UGT8: variants seen among roughly 807,000 people sequenced by gnomAD.
The protein encoded by UGT8 is UDP glycosyltransferase 8.
Under a neutral mutation model 40.5 loss-of-function variants are expected in UGT8, and 12 were observed. The observed-to-expected ratio is 0.30, with a 90% confidence interval of 0.19 to 0.48. The LOEUF (loss-of-function observed/expected upper bound fraction) is 0.48, where lower values mean the gene tolerates loss of function less well. Ranked by LOEUF, UGT8 falls within the 20% of genes least tolerant of loss-of-function variation. The pLI is 0.99. For missense variants in UGT8, 513 were observed against 648.7 expected, an observed-to-expected ratio of 0.79 and a Z score of 2.27; for synonymous variants, 224 against 240.4, an observed-to-expected ratio of 0.93 and a Z score of 0.63.
In UGT8 at chr4:114,676,358, C is replaced by A; in HGVS notation, c.*70C>A. On this transcript the variant is annotated 3_prime_UTR_variant, in exon 6 of 6. Coordinates refer to ENST00000310836, the MANE Select transcript of UGT8 (RefSeq NM_001128174.3). ...TTTTTATTGCTATTATTTAGTCTAA[C>A]AGCTACTAAAAGTAAAACATCAGTA... is the stretch of plus-strand genomic sequence containing the variant. 7.6e-7 allele frequency: 1 copy of A among 1,317,470 alleles called. No individual in the cohort carries two copies. Among genetic ancestry groups the A allele is most frequent in the Non-Finnish European group, 1.0e-6 (1 of 962,748 alleles). 81.6% of individuals were successfully genotyped at this position (1,317,470 alleles called of 1,614,324 possible).
At chr4:114,675,463 G>A (rs1272972161) in intron 5 of UGT8, among the ~76,000 whole-genome samples, 1 of 151,948 alleles carries the variant, frequency 6.6e-6, no homozygotes, top group African/African-American at 2.4e-5. Flanking sequence ...TGTTTAGGCC[G>A]GGCGCGGTGG....
intron 2 of UGT8, among the ~76,000 whole-genome samples, chr4:114,653,105 T>C (rs149017313): frequency 1.3e-5 from 2 of 152,104 alleles, no homozygotes; most frequent in Non-Finnish European, 2.9e-5. Context: ...GTTGTAGAAA[T>C]AGATTATGAA....
rs758671804 is a variant in UGT8, at chr4:114,623,009, A to C, written c.129A>C (p.Ser43=). The change falls in exon 2 of 6, where the codon TCA becomes TCC. Residue 43 remains serine (S), a synonymous_variant. Coordinates refer to ENST00000310836, the MANE Select transcript of UGT8 (RefSeq NM_001128174.3). The stretch of plus-strand genomic sequence containing the variant: ...TGTACATTTTCAAGACGCTAGCCTC[A>C]GCCTTGCACGAGAGAGGCCACCATA... ...SHMYIFKTLA[S]ALHERGHHTV... The C allele has an allele frequency of 1.1e-5, 17 of 1,613,998 alleles. No homozygotes were observed. In the Middle Eastern group the frequency reaches 9.9e-4, roughly 94 times the overall value.
At chr4:114,633,576 T>C (rs1732708109) in intron 2 of UGT8, among the ~76,000 whole-genome samples, 1 of 152,200 alleles carries the variant, frequency 6.6e-6, no homozygotes. Context: ...TGCAAAGCCT[T>C]GTTCACTGTC....
intron 2 of UGT8, among the ~76,000 whole-genome samples, chr4:114,645,126 C>T (rs921878389): frequency 1.3e-5 from 2 of 152,088 alleles, no homozygotes; most frequent in African/African-American, 4.8e-5. Flanking sequence ...TGTTGAAGAA[C>T]ATTCAATGAG....
At chr4:114,670,606 A>T (rs889929286) in intron 5 of UGT8, among the ~76,000 whole-genome samples, 1 of 152,178 alleles carries the variant, frequency 6.6e-6, no homozygotes, top group African/African-American at 2.4e-5. Context: ...CTTTGATAAA[A>T]TTCAGTATCC....
chr4:114,655,902 CAG>C (rs1734158511), intron 2 of UGT8, among the ~76,000 whole-genome samples: 1 of 152,056 alleles, frequency 6.6e-6, no homozygotes, highest in African/African-American at 2.4e-5. Context: ...AACACTTACT[CAG>C]TGTTTCTTAG....
chr4:114,658,184 A>T (rs1055992401), intron 2 of UGT8, among the ~76,000 whole-genome samples: 1 of 152,168 alleles, frequency 6.6e-6, no homozygotes, highest in Admixed American at 6.5e-5. Context: ...TTTGCAACCC[A>T]CCTGACCAAA....
At chr4:114,608,020 A>G (rs1275939822) in intron 1 of UGT8, among the ~76,000 whole-genome samples, 2 of 152,168 alleles carry the variant, frequency 1.3e-5, no homozygotes, top group Non-Finnish European at 1.5e-5. Flanking sequence ...AATTTTTAGC[A>G]TGGCTTTCGA....
At chr4:114,647,080 T>C (rs1733616353) in intron 2 of UGT8, among the ~76,000 whole-genome samples, 1 of 152,216 alleles carries the variant, frequency 6.6e-6, no homozygotes, top group African/African-American at 2.4e-5. Context: ...ATTTCAGTGG[T>C]AAATAATTTA....
intron 2 of UGT8, among the ~76,000 whole-genome samples, chr4:114,644,380 T>C (rs942042875): frequency 1.3e-5 from 2 of 152,202 alleles, no homozygotes; most frequent in Non-Finnish European, 2.9e-5. Context: ...CTCACAGTTA[T>C]TCACTTCAGG....
At chr4:114,638,156 T>C (rs1430647465) in intron 2 of UGT8, among the ~76,000 whole-genome samples, 1 of 152,240 alleles carries the variant, frequency 6.6e-6, no homozygotes, top group Non-Finnish European at 1.5e-5. Context: ...TTAAAAATAG[T>C]AAATCATGTA....
chr4:114,656,629 A>G, intron 2 of UGT8: 1 of 315,800 alleles, frequency 3.2e-6, no homozygotes. Context: ...TGCTACAAGA[A>G]GTGTGGTAGG....
rs1330029348 is a variant in UGT8, at chr4:114,622,941, G to A, written c.61G>A (p.Ala21Thr). 2 of 1,614,042 alleles carry A rather than the reference G, an allele frequency of 1.2e-6. No individual in the cohort carries two copies. Among genetic ancestry groups the A allele is most frequent in the South Asian group, 2.2e-5 (2 of 91,070 alleles). Residue 21 changes from alanine to threonine, a missense_variant, in exon 2 of 6, where the codon GCC becomes ACC. Around this residue, in one of 3 missense-constraint regions of UGT8, gnomAD observed 335 missense variants for 444.8 expected, o/e 0.75. Coordinates refer to ENST00000310836, the MANE Select transcript of UGT8 (RefSeq NM_001128174.3). The part of the protein sequence containing the change: ...LWSAVGIAKA[A>T]KIIIVPPIMF... ...GAGTGCTGTTGGGATAGCGAAGGCTGCCAAAATCATCATCGTGCCGCCAAT... is the reference window on the plus strand; with the variant it reads ...GAGTGCTGTTGGGATAGCGAAGGCTACCAAAATCATCATCGTGCCGCCAAT...
chr4:114,618,413 T>C (rs1296787048), intron 1 of UGT8, among the ~76,000 whole-genome samples: 1 of 152,238 alleles, frequency 6.6e-6, no homozygotes, highest in African/African-American at 2.4e-5. Flanking sequence ...GCCGGTTTTA[T>C]AAGAGACAAG....
chr4:114,607,182 T>C (rs1375869462), intron 1 of UGT8, among the ~76,000 whole-genome samples: 1 of 152,186 alleles, frequency 6.6e-6, no homozygotes, highest in Non-Finnish European at 1.5e-5. Flanking sequence ...AGCTCATAAC[T>C]TGGTAGAGTC....
chr4:114,615,108 G>T (rs1054903868), intron 1 of UGT8, among the ~76,000 whole-genome samples: 1 of 151,948 alleles, frequency 6.6e-6, no homozygotes, highest in Non-Finnish European at 1.5e-5. Context: ...TTCCCAGTTT[G>T]TCCACAGTTA....
At position 114,677,176 on chromosome 4, in the gene UGT8, T is replaced by A. The variant is rs1253690073; in HGVS notation, c.*888T>A. On this transcript the variant is annotated 3_prime_UTR_variant, in exon 6 of 6. Transcript: ENST00000310836. ...ACTGAAGATTATTGCTTCTAGGGCA[T>A]TTTTAAACAGCACCATTGTATTGTT... The A allele has an allele frequency of 6.6e-6, 1 of 152,214 alleles. No individual in the cohort carries two copies. Among genetic ancestry groups the A allele is most frequent in the Non-Finnish European group, 1.5e-5 (1 of 68,040 alleles). 9.4% of individuals were successfully genotyped at this position (152,214 alleles called of 1,614,324 possible). A position where few individuals can be genotyped will look rare whatever the true frequency, so the allele number is the denominator to read the frequency against.
intron 4 of UGT8, 194 bp from the exon 5 acceptor site, chr4:114,667,891 A>AT: frequency 2.1e-6 from 2 of 953,254 alleles, no homozygotes; most frequent in Non-Finnish European, 2.5e-6. Context: ...TAATTGATAT[A>AT]TCAAAATCTG....
Sources: gnomAD v4.1 joint callset for allele counts (sites outside exome capture counted in the v4.1 genomes callset) on GRCh38, gnomAD v4.1.1 for gene constraint, gnomAD v4.1.1 regional missense constraint, MANE v1.5 for transcripts, NCBI Gene and HGNC (gene_info 2026-07-23, HGNC 2026-07-21) for gene names.